ITGA8: variants seen among roughly 807,000 people sequenced by gnomAD.
The protein encoded by ITGA8 is integrin alpha-8.
Under a neutral mutation model 142.3 loss-of-function variants are expected in ITGA8, and 91 were observed. The observed-to-expected ratio is 0.64, with a 90% CI of 0.54 to 0.76. ITGA8 has a LOEUF of 0.76. ITGA8 is among the 30% of genes least tolerant of loss of function. ITGA8 has a pLI of 0.00. For missense variants in ITGA8, 1,406 were observed against 1,327.7 expected, an observed-to-expected ratio of 1.06 and a Z score of -0.92; for synonymous variants, 505 against 485.2, an observed-to-expected ratio of 1.04 and a Z score of -0.54.
intron 11 of ITGA8, among the ~76,000 whole-genome samples, chr10:15,652,581 T>C (rs1834108079): frequency 6.6e-6 from 1 of 152,188 alleles, no homozygotes; most frequent in South Asian, 2.1e-4. Flanking sequence ...TCCAAATGAC[T>C]AAAAGGCTTT....
intron 1 of ITGA8, 81 bp from the exon 2 acceptor site, chr10:15,718,980 C>CG: frequency 1.3e-6 from 2 of 1,595,754 alleles, no homozygotes; most frequent in East Asian, 2.2e-5. Context: ...ACCTCCTGCC[C>CG]GGGGACACTG....
intron 2 of ITGA8, among the ~76,000 whole-genome samples, chr10:15,689,406 C>T (rs562211764): frequency 6.6e-6 from 1 of 152,156 alleles, no homozygotes; most frequent in Non-Finnish European, 1.5e-5. Flanking sequence ...ACCCTCTCGC[C>T]TCCACCATTT....
chr10:15,598,713 C>T (rs1477652790), intron 20 of ITGA8, among the ~76,000 whole-genome samples: 1 of 152,158 alleles, frequency 6.6e-6, no homozygotes, highest in Non-Finnish European at 1.5e-5. Context: ...TAAAACCCTG[C>T]CCCCAGAATC....
intron 8 of ITGA8, among the ~76,000 whole-genome samples, chr10:15,667,972 G>A (rs566052428): frequency 9.0e-4 from 137 of 152,134 alleles, no homozygotes; most frequent in African/African-American, 3.2e-3. Flanking sequence ...GTGTGGTGTG[G>A]TGCTGAAAAG....
intron 8 of ITGA8, among the ~76,000 whole-genome samples, chr10:15,669,919 C>T (rs556863809): frequency 9.7e-4 from 147 of 152,258 alleles, no homozygotes; most frequent in African/African-American, 3.4e-3. Flanking sequence ...GTCAGTCCGC[C>T]GCTACTGGGG....
chr10:15,662,048 C>T (rs979367394), intron 8 of ITGA8, among the ~76,000 whole-genome samples: 9 of 152,256 alleles, frequency 5.9e-5, no homozygotes, highest in African/African-American at 2.2e-4. Flanking sequence ...ACAACTTTTC[C>T]CATCCCACAA....
chr10:15,554,467 G>T (rs1423719332), intron 26 of ITGA8, among the ~76,000 whole-genome samples: 7 of 117,258 alleles, frequency 6.0e-5, no homozygotes, highest in African/African-American at 2.2e-4. Flanking sequence ...CCTCAGGGCT[G>T]CCCAGATCCA....
intron 2 of ITGA8, among the ~76,000 whole-genome samples, chr10:15,695,834 G>A (rs184331550): frequency 6.6e-6 from 1 of 152,278 alleles, no homozygotes; most frequent in Non-Finnish European, 1.5e-5. Context: ...TGACAGATGT[G>A]ATGTTCTTCC....
At chr10:15,682,229 A>G (rs1164688521) in intron 4 of ITGA8, among the ~76,000 whole-genome samples, 2 of 152,092 alleles carry the variant, frequency 1.3e-5, no homozygotes, top group African/African-American at 4.8e-5. Context: ...AAACACATTT[A>G]TTTACATGTT....
chr10:15,634,407 A>T (rs1833736049), intron 13 of ITGA8, among the ~76,000 whole-genome samples: 1 of 152,170 alleles, frequency 6.6e-6, no homozygotes, highest in South Asian at 2.1e-4. Flanking sequence ...CTTTAAAGGA[A>T]AAAGCTATTA....
chr10:15,622,612 A>C (rs1479894197), intron 13 of ITGA8, among the ~76,000 whole-genome samples: 2 of 131,860 alleles, frequency 1.5e-5, no homozygotes, highest in African/African-American at 2.6e-5. Context: ...CAAAAAAAAA[A>C]CCACATGAGC....
intron 28 of ITGA8, among the ~76,000 whole-genome samples, chr10:15,528,946 C>T (rs1833233324): frequency 6.6e-6 from 1 of 151,188 alleles, no homozygotes; most frequent in South Asian, 2.1e-4. Context: ...TTTCTTCTCC[C>T]TTCCTTCCTT....
intron 4 of ITGA8, among the ~76,000 whole-genome samples, chr10:15,682,709 G>A (rs1160016987): frequency 2.0e-5 from 3 of 151,986 alleles, no homozygotes; most frequent in African/African-American, 7.3e-5. Context: ...ACAAAAATTA[G>A]GCATGGTGGC....
chr10:15,648,694 G>T (rs12771877), intron 11 of ITGA8, among the ~76,000 whole-genome samples: 14,301 of 152,010 alleles, frequency 0.094, 904 homozygotes, highest in East Asian at 0.29. Context: ...CTTTCTTCAA[G>T]ATCTGAGCAG....
chr10:15,557,297 T>G (rs541430453), intron 26 of ITGA8, among the ~76,000 whole-genome samples: 1 of 152,288 alleles, frequency 6.6e-6, no homozygotes, highest in South Asian at 2.1e-4. Context: ...GGAGGATTGC[T>G]TGAACCCGAG....
Position 15,644,171 on chromosome 10 carries a change from G to C in ITGA8, c.1258C>G (p.Leu420Val), listed in dbSNP as rs1481530194. ...CCATCTTTGTTCCCATTATAAATGAGCACTTTGCCTCTTTGATCCTTGCCT... is the reference window on the plus strand; with the variant it reads ...CCATCTTTGTTCCCATTATAAATGACCACTTTGCCTCTTTGATCCTTGCCT... ...FAGKDQRGKV[L>V]IYNGNKDGLN... The change falls in exon 13 of 30, where the codon CTC becomes GTC. Residue 420 changes from leucine to valine, a missense_variant. By Grantham distance (32) the Leu-to-Val change is conservative. Coordinates refer to ENST00000378076, the MANE Select transcript of ITGA8 (RefSeq NM_003638.3). The C allele has an allele frequency of 6.2e-6, 10 of 1,614,028 alleles. No individual in the cohort carries two copies. Among genetic ancestry groups the C allele is most frequent in the Middle Eastern group, 1.6e-4 (1 of 6,062 alleles).
chr10:15,538,655 A>AATG (rs767286885), intron 27 of ITGA8, among the ~76,000 whole-genome samples: 41 of 152,052 alleles, frequency 2.7e-4, no homozygotes, highest in Non-Finnish European at 1.0e-4. Flanking sequence ...TAATAATAAT[A>AATG]ATAAAAAAGA....
rs538807511 is a variant in ITGA8, at chr10:15,528,538, CAG to C, written c.2982+2510_2982+2511del. ...TTTTTTTTTTTTGGCAATTCAATAA[CAG>C]GGGTGGCAGGGCTGGGGAAAGCATG... On this transcript the variant is annotated intron_variant, in intron 28 of 29. Transcript: ENST00000378076. Among the ~76,000 whole-genome samples the C allele has an allele frequency of 1.1e-4, 10 of 87,906 alleles. No homozygotes were observed. The South Asian group carries it at 3.3e-3, about 29-fold the overall frequency. The allele number at this position is 87,906 out of a possible 152,430, so 57.7% of individuals were successfully genotyped here. A position where few individuals can be genotyped will look rare whatever the true frequency, so the allele number is the denominator to read the frequency against.
At chr10:15,561,127 T>C (rs1833965884) in intron 25 of ITGA8, among the ~76,000 whole-genome samples, 1 of 150,608 alleles carries the variant, frequency 6.6e-6, no homozygotes, top group South Asian at 2.1e-4. Flanking sequence ...TGGGCTCAAG[T>C]GATCCTCCTG....
Sources: allele counts gnomAD v4.1 joint callset (sites outside exome capture counted in the v4.1 genomes callset), GRCh38; gene constraint gnomAD v4.1.1; transcripts MANE v1.5; gene names NCBI Gene and HGNC (gene_info 2026-07-23, HGNC 2026-07-21).